Variants in ZNF644 observed in about 807,000 individuals in gnomAD.
ZNF644 encodes the protein zinc finger motif enhancer binding protein 2.
A neutral mutation model predicts 108.0 loss-of-function variants in ZNF644; 20 were observed. That is an observed-to-expected ratio of 0.19 (90% CI 0.13 to 0.27). The LOEUF is 0.27. Ranked by LOEUF, ZNF644 falls within the 10% of genes least tolerant of loss-of-function variation. The probability of loss-of-function intolerance (pLI) is 1.00; values close to 1 mark genes in which losing one functional copy is unlikely to be tolerated. For missense variants in ZNF644, 1,338 were observed against 1,548.9 expected, an observed-to-expected ratio of 0.86 and a Z score of 2.29; for synonymous variants, 542 against 539.1, an observed-to-expected ratio of 1.01 and a Z score of -0.08.
At chr1:91,000,601 T>C (rs1388356738) in intron 1 of ZNF644, among the ~76,000 whole-genome samples, 1 of 151,790 alleles carries the variant, frequency 6.6e-6, no homozygotes, top group Non-Finnish European at 1.5e-5. Context: ...GATCTAAAAT[T>C]GACACCCTAA....
At chr1:90,966,388 C>T (rs1230141698) in intron 2 of ZNF644, among the ~76,000 whole-genome samples, 1 of 152,114 alleles carries the variant, frequency 6.6e-6, no homozygotes, top group East Asian at 1.9e-4. Context: ...CACTGATGTA[C>T]CCTTGACATC....
intron 1 of ZNF644, among the ~76,000 whole-genome samples, chr1:90,998,892 G>A (rs1048950718): frequency 6.6e-6 from 1 of 152,166 alleles, no homozygotes; most frequent in Non-Finnish European, 1.5e-5. Context: ...CGAGAACTAC[G>A]TGATGAATGC....
At chr1:90,944,812 T>C (rs1652352826) in intron 2 of ZNF644, among the ~76,000 whole-genome samples, 1 of 152,160 alleles carries the variant, frequency 6.6e-6, no homozygotes, top group Non-Finnish European at 1.5e-5. Context: ...ATATTCTAAT[T>C]ATACAATGCT....
intron 1 of ZNF644, among the ~76,000 whole-genome samples, chr1:91,002,359 C>T (rs913308911): frequency 9.2e-5 from 14 of 152,140 alleles, no homozygotes; most frequent in Non-Finnish European, 1.5e-4. Flanking sequence ...GAACAGAGCC[C>T]TCAGAAATAA....
chr1:90,990,009 T>G (rs1657483449), intron 1 of ZNF644, among the ~76,000 whole-genome samples: 1 of 118,404 alleles, frequency 8.4e-6, no homozygotes, highest in Admixed American at 7.7e-5. Flanking sequence ...TGTCACATGC[T>G]ATAGCATGGA....
chr1:91,004,096 C>G (rs996474819), intron 1 of ZNF644, among the ~76,000 whole-genome samples: 1 of 151,960 alleles, frequency 6.6e-6, no homozygotes, highest in Admixed American at 6.6e-5. Context: ...CATTGTATAC[C>G]TAATAGGAGT....
intron 2 of ZNF644, among the ~76,000 whole-genome samples, chr1:90,956,727 T>G (rs2101089919): frequency 6.6e-6 from 1 of 152,234 alleles, no homozygotes. Context: ...ATATTGGTTC[T>G]TTTAGTCACA....
intron 4 of ZNF644, among the ~76,000 whole-genome samples, chr1:90,932,842 A>G (rs1203580250): frequency 1.3e-5 from 2 of 152,186 alleles, no homozygotes; most frequent in Non-Finnish European, 2.9e-5. Context: ...AAGTTTCTCA[A>G]AAGTGGCTAC....
In ZNF644 at chr1:90,943,292, T is replaced by A. The variant is rs79887305; in HGVS notation, c.45-1983A>T. ...CCGTCTCTACTAAAAATAAAAAAAA[T>A]TAGCCAGGCGTGGTGGTGGGTGCCT... is the stretch of plus-strand genomic sequence containing the variant. On this transcript the variant is annotated intron_variant, in intron 2 of 5. Coordinates refer to ENST00000337393, the MANE Select transcript of ZNF644 (RefSeq NM_201269.3). Among the ~76,000 whole-genome samples the A allele has an allele frequency of 2.3e-4, 35 of 151,934 alleles. No homozygotes were observed. The East Asian group carries it at 6.0e-3, about 26-fold the overall frequency.
At chr1:90,974,222 C>A (rs775364927) in intron 2 of ZNF644, among the ~76,000 whole-genome samples, 4 of 151,972 alleles carry the variant, frequency 2.6e-5, no homozygotes, top group Non-Finnish European at 4.4e-5. Flanking sequence ...CGCCAGTAAT[C>A]CCAGGCTGAG....
chr1:90,955,505 TCTC>T (rs1379616115), intron 2 of ZNF644, among the ~76,000 whole-genome samples: 2 of 152,220 alleles, frequency 1.3e-5, no homozygotes, highest in Admixed American at 1.3e-4. Context: ...CAGAGCTAGA[TCTC>T]CTCGGTAATT....
At chr1:90,951,067 C>T (rs1363392904) in intron 2 of ZNF644, among the ~76,000 whole-genome samples, 3 of 152,158 alleles carry the variant, frequency 2.0e-5, no homozygotes, top group South Asian at 4.1e-4. Context: ...CATATCTAAA[C>T]CATCAGGAAT....
intron 1 of ZNF644, among the ~76,000 whole-genome samples, chr1:91,002,168 GA>G (rs1658911898): frequency 6.6e-6 from 1 of 152,052 alleles, no homozygotes; most frequent in South Asian, 2.1e-4. Flanking sequence ...CACAGAACTG[GA>G]AAAAACTACT....
chr1:91,014,712 A>C (rs1660279546), intron 1 of ZNF644, among the ~76,000 whole-genome samples: 1 of 152,166 alleles, frequency 6.6e-6, no homozygotes, highest in South Asian at 2.1e-4. Flanking sequence ...GGTGGTATGA[A>C]TAGACAATGA....
chr1:91,019,940 TAAC>T (rs1660750312), intron 1 of ZNF644, among the ~76,000 whole-genome samples: 1 of 152,236 alleles, frequency 6.6e-6, no homozygotes, highest in Non-Finnish European at 1.5e-5. Context: ...GTATTCTCAA[TAAC>T]ATTCCCTTGT....
intron 5 of ZNF644, among the ~76,000 whole-genome samples, chr1:90,917,318 C>A (rs1425631757): frequency 1.3e-5 from 2 of 152,082 alleles, no homozygotes; most frequent in Non-Finnish European, 2.9e-5. Context: ...GTTTAGCATT[C>A]CTTAAATGGC....
At chr1:90,988,520 G>A (rs1657334719) in intron 1 of ZNF644, among the ~76,000 whole-genome samples, 1 of 152,094 alleles carries the variant, frequency 6.6e-6, no homozygotes, top group Admixed American at 6.5e-5. Flanking sequence ...CATTTTTGCA[G>A]AAACAGGAAA....
At chr1:90,983,743 AT>A (rs1348888328) in intron 1 of ZNF644, among the ~76,000 whole-genome samples, 2 of 152,184 alleles carry the variant, frequency 1.3e-5, no homozygotes, top group Non-Finnish European at 2.9e-5. Flanking sequence ...CCTGGCCAAC[AT>A]GGTGAAACCC....
chr1:91,017,958 T>C (rs923788921), intron 1 of ZNF644, among the ~76,000 whole-genome samples: 1 of 151,804 alleles, frequency 6.6e-6, no homozygotes, highest in African/African-American at 2.4e-5. Flanking sequence ...CGAGACTCCG[T>C]CCCCCAACCA....
Sources: gnomAD v4.1 joint callset for allele counts (sites outside exome capture counted in the v4.1 genomes callset) on GRCh38, gnomAD v4.1.1 for gene constraint, MANE v1.5 for transcripts, NCBI Gene and HGNC (gene_info 2026-07-23, HGNC 2026-07-21) for gene names.